ABCA8: variants seen among roughly 807,000 people sequenced by gnomAD.
The protein encoded by ABCA8 is ATP binding cassette subfamily A member 8.
Under a neutral mutation model 192.3 loss-of-function variants are expected in ABCA8, and 177 were observed. The observed-to-expected ratio is 0.92, with a 90% CI of 0.81 to 1.04. The LOEUF (loss-of-function observed/expected upper bound fraction) is 1.04. Among genes scored for constraint, ABCA8 ranks in the 50% least tolerant of loss-of-function variants. The pLI, the probability that ABCA8 is intolerant of heterozygous loss-of-function variation, is 0.00. For synonymous variants in ABCA8, 642 were observed against 690.2 expected (o/e 0.93, Z 1.09); for missense variants, 1,915 against 1,904.8 (o/e 1.01, Z -0.10).
intron 10 of ABCA8, 108 bp from the exon 11 acceptor site, chr17:68,924,977 TGTG>T: frequency 8.7e-7 from 1 of 1,154,084 alleles, no homozygotes; most frequent in African/African-American, 1.6e-5. Flanking sequence ...AACCTGAACA[TGTG>T]GTCAACAGCA....
chr17:68,908,325 A>C (rs2067142097), intron 17 of ABCA8, among the ~76,000 whole-genome samples: 2 of 152,216 alleles, frequency 1.3e-5, no homozygotes, highest in Admixed American at 6.5e-5. Context: ...ACTTGTGAGA[A>C]GTATAGATGC....
intron 23 of ABCA8, 59 bp downstream of exon 23, chr17:68,894,114 G>C: frequency 6.4e-7 from 1 of 1,565,646 alleles, no homozygotes; most frequent in Non-Finnish European, 8.8e-7. Context: ...ACTTAAAAGG[G>C]TGATCTGGGA....
intron 17 of ABCA8, among the ~76,000 whole-genome samples, chr17:68,913,492 T>TA (rs1041636128): frequency 2.7e-5 from 4 of 147,866 alleles, no homozygotes; most frequent in Admixed American, 1.3e-4. Context: ...TTAGCCAGAC[T>TA]AAAAAAAAGA....
intron 10 of ABCA8, 68 bp downstream of exon 10, chr17:68,927,848 T>G: frequency 8.4e-7 from 1 of 1,190,954 alleles, no homozygotes; most frequent in Non-Finnish European, 1.2e-6. Flanking sequence ...AGTATATCCA[T>G]TAGGAGATTT....
chr17:68,939,017 C>T (rs571172609), intron 4 of ABCA8, among the ~76,000 whole-genome samples: 142 of 152,034 alleles, frequency 9.3e-4, no homozygotes, highest in Non-Finnish European at 1.8e-3. Flanking sequence ...AATGTGGGTC[C>T]GATCCAACAG....
At chr17:68,880,420 C>A (rs2066306959) in intron 32 of ABCA8, among the ~76,000 whole-genome samples, 1 of 152,114 alleles carries the variant, frequency 6.6e-6, no homozygotes, top group African/African-American at 2.4e-5. Context: ...AATGGTGGGA[C>A]TAAAAAAGCT....
intron 17 of ABCA8, among the ~76,000 whole-genome samples, chr17:68,914,811 C>G (rs1399692609): frequency 6.6e-6 from 1 of 151,996 alleles, no homozygotes; most frequent in Non-Finnish European, 1.5e-5. Flanking sequence ...TTATATGGAA[C>G]CACAAAAGGC....
At position 68,894,956 on chromosome 17, in the gene ABCA8, A is replaced by G; in HGVS notation, c.2822T>C (p.Val941Ala). 6.2e-7 allele frequency: 1 copy of G among 1,613,704 alleles called. No individual in the cohort carries two copies. Among genetic ancestry groups the G allele is most frequent in the Non-Finnish European group, 8.5e-7 (1 of 1,179,814 alleles). The change falls in exon 22 of 40, where the codon GTG becomes GCG. Residue 941 changes from valine to alanine, a missense_variant. By Grantham distance (64) the Val-to-Ala change is moderately conservative. Coordinates refer to ENST00000586539, the MANE Select transcript of ABCA8 (RefSeq NM_001288985.2). ...GCCATTTCTAGTTCCAAATGCATCC[A>G]CTTCTAAAGCTATGTTCTGGTGCTC... ...SVEHQNIALE[V>A]DAFGTRNGTD...
intron 31 of ABCA8, 65 bp downstream of exon 31, chr17:68,881,798 T>C: frequency 8.7e-7 from 1 of 1,145,022 alleles, no homozygotes; most frequent in Non-Finnish European, 1.3e-6. Flanking sequence ...AGAATAATGC[T>C]CATTAGGAAC....
intron 11 of ABCA8, among the ~76,000 whole-genome samples, chr17:68,924,344 C>CAAAA (rs71293545): frequency 3.1e-5 from 4 of 130,858 alleles, no homozygotes; most frequent in African/African-American, 1.2e-4. Flanking sequence ...AAAATTCCGT[C>CAAAA]AAAAAAAAAA....
chr17:68,919,395 T>C lies in ABCA8; in HGVS notation c.1694A>G (p.Gln565Arg). Residue 565 changes from glutamine to arginine, a missense_variant, in exon 14 of 40, where the codon CAA (glutamine) becomes CGA (arginine). Coordinates refer to ENST00000586539, the MANE Select transcript of ABCA8 (RefSeq NM_001288985.2). ...GAGGAAGTCAAATTGCACATTGGAT[T>C]GTGGACAAACTCCGGTCAGCTTGCT... ...NLSKLTGVCP[Q>R]SNVQFDFLTV... 1.9e-6 allele frequency: 3 copies of C among 1,614,070 alleles called. No homozygotes were observed. The highest frequency in any genetic ancestry group is 2.5e-6 in the Non-Finnish European group (3 of 1,179,970).
At chr17:68,924,956 CT>C in intron 10 of ABCA8, 87 bp from the exon 11 acceptor site, 2 of 1,396,088 alleles carry the variant, frequency 1.4e-6, no homozygotes, top group East Asian at 4.7e-5. Flanking sequence ...CAACACAGCC[CT>C]TTGTTGCTAA....
intron 24 of ABCA8, among the ~76,000 whole-genome samples, chr17:68,889,091 A>G (rs755879408): frequency 1.3e-5 from 2 of 152,216 alleles, no homozygotes; most frequent in African/African-American, 2.4e-5. Context: ...GTTACATCAA[A>G]CTAGTAAATG....
At chr17:68,884,220 A>T in intron 28 of ABCA8, 111 bp downstream of exon 28, 1 of 1,022,088 alleles carries the variant, frequency 9.8e-7, no homozygotes, top group Non-Finnish European at 1.4e-6. Flanking sequence ...TCCTTGGGCT[A>T]TAGATACCTG....
intron 30 of ABCA8, 30 bp downstream of exon 30, chr17:68,882,569 T>A (rs750033672): frequency 1.3e-5 from 21 of 1,588,964 alleles, no homozygotes; most frequent in East Asian, 9.0e-5. Context: ...GTAGACTGAC[T>A]AATAAAAAAA....
rs183840610 is a variant in ABCA8 at position 68,868,046 on chromosome 17, A to G, written c.*39T>C. 37 of 1,463,438 alleles carry G rather than the reference A, an allele frequency of 2.5e-5. No homozygotes were observed. The highest frequency in any genetic ancestry group is 2.5e-5 in the Non-Finnish European group (27 of 1,075,632). The allele number at this position is 1,463,438 out of a possible 1,614,324, so 90.7% of individuals were successfully genotyped here. ...GCTATAAAAATAAATGTATTTAAAA[A>G]AAACCACGGGTTTAAACAGGAACAC... is the stretch of plus-strand genomic sequence containing the variant. On this transcript the variant is annotated 3_prime_UTR_variant, in exon 40 of 40. Coordinates refer to ENST00000586539, the MANE Select transcript of ABCA8 (RefSeq NM_001288985.2).
Position 68,937,114 on chromosome 17 carries a change from A to T in ABCA8, c.303T>A (p.Gly101=). 1 of 1,586,704 alleles carries T rather than the reference A, an allele frequency of 6.3e-7. No individual in the cohort carries two copies. The highest frequency in any genetic ancestry group is 1.2e-5 in the South Asian group (1 of 85,550). The stretch of plus-strand genomic sequence containing the variant: ...CATCTGGCAGTCCCAAGACCTCTTT[A>T]CCTTTTGTTACAAGAAGGAATATTA... ...NKVASTPFLA[G]KEVLGLPDEE... is the part of the protein sequence containing the mutation. Residue 101 remains glycine (G), a splice_region_variant and synonymous_variant, in exon 5 of 40, where the codon GGT becomes GGA. Coordinates refer to ENST00000586539, the MANE Select transcript of ABCA8 (RefSeq NM_001288985.2).
intron 17 of ABCA8, among the ~76,000 whole-genome samples, chr17:68,909,703 A>C (rs1469747900): frequency 6.6e-6 from 1 of 152,228 alleles, no homozygotes; most frequent in Non-Finnish European, 1.5e-5. Context: ...AGAAATAAAA[A>C]AAAATTGGGA....
chr17:68,951,490 T>C (rs1055779067), intron 1 of ABCA8, among the ~76,000 whole-genome samples: 3 of 152,220 alleles, frequency 2.0e-5, no homozygotes, highest in Non-Finnish European at 4.4e-5. Flanking sequence ...ATCTTTTTCA[T>C]TGTGTTCTTC....
Sources: gnomAD v4.1 joint callset for allele counts (sites outside exome capture counted in the v4.1 genomes callset) on GRCh38, gnomAD v4.1.1 for gene constraint, MANE v1.5 for transcripts, NCBI Gene and HGNC (gene_info 2026-07-23, HGNC 2026-07-21) for gene names.